Variants in RPA3 observed in about 807,000 individuals in gnomAD.
The protein encoded by RPA3 is replication protein A3.
RPA3 carries 24 observed loss-of-function variants against 13.7 expected under a neutral mutation model. The ratio of observed to expected loss-of-function variants is 1.75; its 90% CI spans 1.27 to 2.46. The LOEUF is 2.46. Among genes scored for constraint, RPA3 ranks in the 30% most tolerant of loss-of-function variants. The pLI is 0.00. For synonymous variants in RPA3, 59 were observed against 51.2 expected (o/e 1.15, Z -0.65); for missense variants, 183 against 151.0 (o/e 1.21, Z -1.11).
At chr7:7,709,485 G>A in intron 2 of RPA3, among the ~76,000 whole-genome samples, 1 of 152,206 alleles carries the variant, frequency 6.6e-6, no homozygotes, top group East Asian at 1.9e-4. Flanking sequence ...AAAGCAGAAG[G>A]AACTGTGTGG....
chr7:7,692,708 C>G lies in RPA3; in HGVS notation c.-1027-5380G>C, dbSNP rs541519284. Among the ~76,000 whole-genome samples, 6 of 152,274 alleles carry G rather than the reference C, an allele frequency of 3.9e-5. No individual in the cohort carries two copies. In the East Asian group the frequency reaches 9.7e-4, roughly 25 times the overall value. Reference sequence around the variant, plus strand: ...CACTGCAACCTCCACCTCCTGGGTTCAAGTGATTCTCCTGCCTCAGCCTCC... The same window carrying G: ...CACTGCAACCTCCACCTCCTGGGTTGAAGTGATTCTCCTGCCTCAGCCTCC... On this transcript the variant is annotated intron_variant, in intron 2 of 7. Coordinates refer to ENST00000223129, the MANE Select transcript of RPA3 (RefSeq NM_002947.5).
At chr7:7,699,763 T>A (rs2115151637) in intron 2 of RPA3, among the ~76,000 whole-genome samples, 1 of 152,350 alleles carries the variant, frequency 6.6e-6, no homozygotes, top group East Asian at 1.9e-4. Flanking sequence ...TTAGTGCTCA[T>A]ATAATGCCTT....
chr7:7,662,709 G>A (rs1488921239), intron 4 of RPA3, among the ~76,000 whole-genome samples: 2 of 152,090 alleles, frequency 1.3e-5, no homozygotes, highest in African/African-American at 4.8e-5. Context: ...GAAATCTCCC[G>A]CCTTCTGTGT....
At chr7:7,700,751 G>C (rs111763126) in intron 2 of RPA3, among the ~76,000 whole-genome samples, 1 of 152,158 alleles carries the variant, frequency 6.6e-6, no homozygotes, top group Non-Finnish European at 1.5e-5. Flanking sequence ...AGCCAGGCAT[G>C]GTGGTGGGTG....
At chr7:7,710,765 A>G (rs1429755778) in intron 2 of RPA3, among the ~76,000 whole-genome samples, 2 of 152,232 alleles carry the variant, frequency 1.3e-5, no homozygotes, top group Non-Finnish European at 2.9e-5. Context: ...TTTATTCATA[A>G]TAGACCCAAA....
intron 4 of RPA3, among the ~76,000 whole-genome samples, chr7:7,649,614 T>C (rs989518091): frequency 6.6e-6 from 1 of 152,212 alleles, no homozygotes; most frequent in Non-Finnish European, 1.5e-5. Flanking sequence ...ATTGATTTTT[T>C]TGTTACTTTT....
chr7:7,698,388 C>G (rs911894577), intron 2 of RPA3, among the ~76,000 whole-genome samples: 1 of 152,126 alleles, frequency 6.6e-6, no homozygotes, highest in African/African-American at 2.4e-5. Context: ...TTCAACCAAA[C>G]TGGTAGAAGT....
chr7:7,700,821 G>T (rs1353935481), intron 2 of RPA3, among the ~76,000 whole-genome samples: 1 of 152,154 alleles, frequency 6.6e-6, no homozygotes, highest in Non-Finnish European at 1.5e-5. Context: ...CCAGGAAGTG[G>T]AGGTTGCAGT....
At chr7:7,665,458 A>G (rs1779419381) in intron 4 of RPA3, among the ~76,000 whole-genome samples, 1 of 152,200 alleles carries the variant, frequency 6.6e-6, no homozygotes, top group East Asian at 1.9e-4. Context: ...ATTTGAGACA[A>G]TTTTCCCAAT....
chr7:7,658,860 G>A (rs756621776), intron 4 of RPA3, among the ~76,000 whole-genome samples: 3 of 152,084 alleles, frequency 2.0e-5, no homozygotes, highest in Non-Finnish European at 4.4e-5. Context: ...CTATTGTTTG[G>A]AATAGTTTCA....
chr7:7,654,605 T>G (rs1366962151), intron 4 of RPA3, among the ~76,000 whole-genome samples: 1 of 152,178 alleles, frequency 6.6e-6, no homozygotes, highest in African/African-American at 2.4e-5. Context: ...TGTAAATAGT[T>G]ATATTTTAAA....
intron 4 of RPA3, among the ~76,000 whole-genome samples, chr7:7,653,219 A>G (rs1442128972): frequency 1.3e-5 from 2 of 152,296 alleles, no homozygotes; most frequent in Middle Eastern, 3.4e-3. Flanking sequence ...TGTTATTTAC[A>G]CTCAAATCAA....
chr7:7,648,925 G>A (rs1226169372), intron 4 of RPA3, among the ~76,000 whole-genome samples: 1 of 152,016 alleles, frequency 6.6e-6, no homozygotes, highest in African/African-American at 2.4e-5. Context: ...TTGGGAGGCC[G>A]AGGTGGGTGG....
rs557268033 is a variant in RPA3 at position 7,663,380 on chromosome 7, A to G, written c.-757-22205T>C. Among the ~76,000 whole-genome samples the G allele has an allele frequency of 2.8e-4, 42 of 152,180 alleles. 1 individual carries two copies. The highest frequency in any genetic ancestry group is 7.8e-4 in the Admixed American group (12 of 15,300). On this transcript the variant is annotated intron_variant, in intron 4 of 7. Coordinates refer to ENST00000223129, the MANE Select transcript of RPA3 (RefSeq NM_002947.5). ...AATCAATTTAATTAATTAGTTTCCA[A>G]GCTGTTCTGTGGAGCTGAAAAGTGA...
At chr7:7,709,139 T>C (rs1780684513) in intron 2 of RPA3, among the ~76,000 whole-genome samples, 1 of 152,214 alleles carries the variant, frequency 6.6e-6, no homozygotes, top group Admixed American at 6.5e-5. Context: ...TAAGGGATTT[T>C]GTAATGGTTA....
chr7:7,683,903 G>A (rs987802277), intron 4 of RPA3, among the ~76,000 whole-genome samples: 3 of 152,160 alleles, frequency 2.0e-5, no homozygotes, highest in Admixed American at 6.5e-5. Context: ...GATTATAGGC[G>A]TGAGCCACTG....
In RPA3 at chr7:7,637,924, C is replaced by G. The variant is rs777846960; in HGVS notation, c.223G>C (p.Ala75Pro). 8.7e-6 allele frequency: 14 copies of G among 1,613,592 alleles called. No individual in the cohort carries two copies. The East Asian group carries it at 3.1e-4, about 36-fold the overall frequency. ...GIVEVVGRVTAKATILCTSYV... is the reference protein window; with the variant it reads ...GIVEVVGRVTPKATILCTSYV... Reference sequence around the variant, plus strand: ...GATGTACACAAGATGGTGGCCTTGGCGGTTACTCTTCCAACCACTTCCACA... The same window carrying G: ...GATGTACACAAGATGGTGGCCTTGGGGGTTACTCTTCCAACCACTTCCACA... Residue 75 changes from alanine to proline, a missense_variant, in exon 7 of 8, where the codon GCC becomes CCC. Coordinates refer to ENST00000223129, the MANE Select transcript of RPA3 (RefSeq NM_002947.5).
chr7:7,656,706 C>T (rs142915192), intron 4 of RPA3, among the ~76,000 whole-genome samples: 1,994 of 152,238 alleles, frequency 0.013, 16 homozygotes, highest in Middle Eastern at 0.037. Context: ...TTTCTTTATC[C>T]AGTCTATCAT....
chr7:7,686,453 A>T (rs1407428472), intron 3 of RPA3, among the ~76,000 whole-genome samples: 2 of 152,148 alleles, frequency 1.3e-5, no homozygotes, highest in Non-Finnish European at 2.9e-5. Flanking sequence ...ACAATTTTTT[A>T]AAAATGTAGA....
Sources: gnomAD v4.1 joint callset for allele counts (sites outside exome capture counted in the v4.1 genomes callset) on GRCh38, gnomAD v4.1.1 for gene constraint, MANE v1.5 for transcripts, NCBI Gene and HGNC (gene_info 2026-07-23, HGNC 2026-07-21) for gene names.